The following PIAS2 variants were observed in gnomAD, a reference collection of about 807,000 sequenced individuals.
PIAS2 encodes protein inhibitor of activated STAT 2, also known as E3 SUMO-protein ligase PIAS2.
Under a neutral mutation model 69.7 loss-of-function variants are expected in PIAS2, and 19 were observed. That is an observed-to-expected ratio of 0.27 (90% CI 0.19 to 0.40). The LOEUF is 0.40. Among genes scored for constraint, PIAS2 ranks in the 10% least tolerant of loss-of-function variants. PIAS2 has a pLI of 1.00. For synonymous variants in PIAS2, 261 were observed against 263.2 expected (o/e 0.99, Z 0.08); for missense variants, 624 against 757.0 (o/e 0.82, Z 2.06).
In PIAS2 at chr18:46,807,378, TATA is replaced by T. The variant is rs1251384618; in HGVS notation, c.*5052_*5054del. On this transcript the variant is annotated 3_prime_UTR_variant, in exon 14 of 14. Transcript: ENST00000585916. ...TTTTATATATATATATATATATATA[TATA>T]TATTTTTTTTTTTTTTTTTTTTTTT... 28 of 33,608 alleles carry T rather than the reference TATA, an allele frequency of 8.3e-4. No individual in the cohort carries two copies. Among genetic ancestry groups the T allele is most frequent in the African/African-American group, 3.8e-3 (20 of 5,238 alleles). The allele number at this position is 33,608 out of a possible 1,614,324, so 2.1% of individuals were successfully genotyped here.
chr18:46,812,234 T>C lies in PIAS2; in HGVS notation c.*199A>G, dbSNP rs2041049730. The stretch of plus-strand genomic sequence containing the variant: ...TGTATCTGATGCTGAGAGTACAGCA[T>C]AATTAAGAAAAATCCTTGCATGTCA... On this transcript the variant is annotated 3_prime_UTR_variant, in exon 14 of 14. Transcript: ENST00000585916. The C allele has an allele frequency of 2.0e-6, 1 of 503,470 alleles. No individual in the cohort carries two copies. The highest frequency in any genetic ancestry group is 3.5e-6 in the Non-Finnish European group (1 of 284,172). The allele number at this position is 503,470 out of a possible 1,614,324, so 31.2% of individuals were successfully genotyped here.
intron 2 of PIAS2, among the ~76,000 whole-genome samples, chr18:46,873,776 C>A (rs766421425): frequency 2.6e-5 from 4 of 152,128 alleles, no homozygotes; most frequent in Non-Finnish European, 4.4e-5. Flanking sequence ...CCCAGGACAC[C>A]AGAAAAATCC....
chr18:46,817,782 T>G, intron 12 of PIAS2: 1 of 951,520 alleles, frequency 1.1e-6, no homozygotes, highest in Non-Finnish European at 1.3e-6. Flanking sequence ...TGAAGTTTGA[T>G]ATGGTATTTT....
upstream of PIAS2, chr18:46,917,551 C>T: frequency 8.9e-7 from 1 of 1,124,542 alleles, no homozygotes; most frequent in Non-Finnish European, 1.1e-6. Flanking sequence ...AAGCCCCGCC[C>T]CTAGCGGTGC....
At chr18:46,884,321 A>T (rs532292928) in intron 2 of PIAS2, among the ~76,000 whole-genome samples, 17 of 150,362 alleles carry the variant, frequency 1.1e-4, no homozygotes, top group East Asian at 5.9e-4. Flanking sequence ...TTTATTTTTT[A>T]TTTTTTTTTG....
rs1488375625 is a variant in PIAS2 at position 46,811,506 on chromosome 18, G to C, written c.*927C>G. 1 of 152,114 alleles carries C rather than the reference G, an allele frequency of 6.6e-6. No individual in the cohort carries two copies. The highest frequency in any genetic ancestry group is 2.4e-5 in the African/African-American group (1 of 41,430). 9.4% of individuals were successfully genotyped at this position (152,114 alleles called of 1,614,324 possible). The stretch of plus-strand genomic sequence containing the variant: ...ACCACCTCCCAAAATCTGCTCTTCT[G>C]CTGGCTCCAAGATATCAATATTTGA... On this transcript the variant is annotated 3_prime_UTR_variant, in exon 14 of 14. Coordinates refer to ENST00000585916, the MANE Select transcript of PIAS2 (RefSeq NM_004671.5).
At chr18:46,812,636 C>A in intron 13 of PIAS2, 24 bp from the exon 14 acceptor site, 1 of 1,481,118 alleles carries the variant, frequency 6.8e-7, no homozygotes, top group Non-Finnish European at 9.3e-7. Context: ...ACAATGATGC[C>A]AATGAGGAAG....
intron 12 of PIAS2, among the ~76,000 whole-genome samples, chr18:46,820,111 T>C (rs945266006): frequency 6.6e-6 from 1 of 152,156 alleles, no homozygotes; most frequent in African/African-American, 2.4e-5. Context: ...ACCCAGGACA[T>C]GAACCATTCT....
intron 3 of PIAS2, among the ~76,000 whole-genome samples, chr18:46,859,133 A>T (rs1180265203): frequency 6.6e-6 from 1 of 152,174 alleles, no homozygotes; most frequent in Admixed American, 6.5e-5. Flanking sequence ...AATGACATAA[A>T]AGAATCAATG....
At chr18:46,875,074 C>G (rs569195360) in intron 2 of PIAS2, among the ~76,000 whole-genome samples, 1 of 152,270 alleles carries the variant, frequency 6.6e-6, no homozygotes, top group Admixed American at 6.5e-5. Context: ...TTCTTTCCAA[C>G]AGAAGGTCAC....
intron 3 of PIAS2, among the ~76,000 whole-genome samples, chr18:46,862,727 TAG>T (rs2048866006): frequency 6.6e-6 from 1 of 152,044 alleles, no homozygotes; most frequent in Non-Finnish European, 1.5e-5. Flanking sequence ...TCTTTTGAGA[TAG>T]AGTTTCACTC....
intron 1 of PIAS2, among the ~76,000 whole-genome samples, chr18:46,898,161 A>AT (rs879452559): frequency 1.0e-3 from 150 of 146,896 alleles, no homozygotes; most frequent in Middle Eastern, 3.5e-3. Context: ...AGGCAATATA[A>AT]TTTTTTTTTT....
intron 5 of PIAS2, among the ~76,000 whole-genome samples, chr18:46,847,424 T>C (rs1462872247): frequency 6.6e-6 from 1 of 152,114 alleles, no homozygotes. Flanking sequence ...ATGAGCCTGA[T>C]GGCTATCAAA....
At chr18:46,915,951 T>C (rs765197853) in intron 1 of PIAS2, among the ~76,000 whole-genome samples, 5 of 152,180 alleles carry the variant, frequency 3.3e-5, no homozygotes, top group African/African-American at 7.2e-5. Context: ...GGTTCGTTGT[T>C]TGAAAAGCTC....
chr18:46,837,677 A>G (rs1208129732), intron 8 of PIAS2, among the ~76,000 whole-genome samples: 1 of 152,170 alleles, frequency 6.6e-6, no homozygotes, highest in Admixed American at 6.5e-5. Context: ...TTAAATTCTT[A>G]TTCCAACTAG....
chr18:46,864,881 A>T (rs1236757145), intron 2 of PIAS2, among the ~76,000 whole-genome samples: 1 of 152,060 alleles, frequency 6.6e-6, no homozygotes, highest in Non-Finnish European at 1.5e-5. Flanking sequence ...AATGCTCCCC[A>T]GGAGAACTGT....
intron 2 of PIAS2, among the ~76,000 whole-genome samples, chr18:46,879,535 G>A (rs2051836554): frequency 1.3e-5 from 2 of 152,152 alleles, no homozygotes; most frequent in Admixed American, 6.6e-5. Context: ...ATTACCATAC[G>A]ATCCCGCAAT....
In PIAS2 at chr18:46,812,471, T is replaced by G; in HGVS notation, c.1828A>C (p.Ser610Arg). ...ATGATGTCAGGAATGTTACTTCCAC[T>G]GCTGGTTATGACCCCTGTCTCACTC... ...SRSETGVITS[S>R]GSNIPDIISL... The change falls in exon 14 of 14, where the codon AGT becomes CGT. Residue 610 changes from serine to arginine, a missense_variant. By Grantham distance (110) the Ser-to-Arg change is moderately radical. This residue lies in a region of PIAS2 where 241 missense variants were observed against 257.3 expected (regional missense o/e 0.94). Coordinates refer to ENST00000585916, the MANE Select transcript of PIAS2 (RefSeq NM_004671.5). 6.2e-7 allele frequency: 1 copy of G among 1,612,948 alleles called. No individual in the cohort carries two copies. The highest frequency in any genetic ancestry group is 1.3e-5 in the African/African-American group (1 of 75,022).
rs535526411 is a variant in PIAS2 at position 46,913,841 on chromosome 18, C to T, written c.24+3481G>A. On this transcript the variant is annotated intron_variant, in intron 1 of 13. Coordinates refer to ENST00000585916, the MANE Select transcript of PIAS2 (RefSeq NM_004671.5). ...AGTTTGAGACAGGGTCTCCCTCTGTCGCTCAGGCTGGAGTGCAGTGTCAAG... is the reference window on the plus strand; with the variant it reads ...AGTTTGAGACAGGGTCTCCCTCTGTTGCTCAGGCTGGAGTGCAGTGTCAAG... Among the ~76,000 whole-genome samples, 6 of 152,292 alleles carry T rather than the reference C, an allele frequency of 3.9e-5. No individual in the cohort carries two copies. The South Asian group carries it at 1.0e-3, about 26-fold the overall frequency.
Sources: gnomAD v4.1 joint callset for allele counts (sites outside exome capture counted in the v4.1 genomes callset) on GRCh38, gnomAD v4.1.1 for gene constraint, gnomAD v4.1.1 regional missense constraint, MANE v1.5 for transcripts, NCBI Gene and HGNC (gene_info 2026-07-23, HGNC 2026-07-21) for gene names.